The following CDR2L variants were observed in gnomAD, a reference collection of about 807,000 sequenced individuals.
CDR2L encodes the protein cerebellar degeneration related protein 2 like.
A neutral mutation model predicts 36.1 loss-of-function variants in CDR2L; 19 were observed. The ratio of observed to expected loss-of-function variants is 0.53; its 90% CI spans 0.37 to 0.77. The LOEUF is 0.77. CDR2L is among the 30% of genes least tolerant of loss of function. The pLI, the probability that CDR2L is intolerant of heterozygous loss-of-function variation, is 0.00. For synonymous variants in CDR2L, 285 were observed against 280.4 expected (o/e 1.02, Z -0.16); for missense variants, 575 against 627.2 (o/e 0.92, Z 0.89).
chr17:74,988,278 G>C (rs895682861), intron 1 of CDR2L, among the ~76,000 whole-genome samples, 156 bp downstream of exon 1: 1 of 152,216 alleles, frequency 6.6e-6, no homozygotes, highest in Admixed American at 6.5e-5. Context: ...GGGACGTGGA[G>C]AGAGGGGGCG....
At position 74,991,672 on chromosome 17, in the gene CDR2L, G is replaced by A. The variant is rs568711785; in HGVS notation, c.79+3550G>A. Among the ~76,000 whole-genome samples the A allele has an allele frequency of 6.6e-5, 10 of 152,224 alleles. No individual in the cohort carries two copies. In the South Asian group the frequency reaches 2.1e-3, roughly 32 times the overall value. The stretch of plus-strand genomic sequence containing the variant: ...GCAGAGCTTGCAGTGAGCCAAGATC[G>A]CGCCACTGCACTCCAGCCTGGGCGA... On this transcript the variant is annotated intron_variant, in intron 1 of 4. Transcript: ENST00000337231.
At chr17:75,001,276 G>A in intron 2 of CDR2L, 65 bp from the exon 3 acceptor site, 5 of 1,349,858 alleles carry the variant, frequency 3.7e-6, no homozygotes, top group Non-Finnish European at 5.0e-6. Flanking sequence ...AAGTAGGAGG[G>A]TCTAGGCAGA....
chr17:75,003,268 C>G lies in CDR2L; in HGVS notation c.592C>G (p.Leu198Val), dbSNP rs771212866. 1.8e-5 allele frequency: 28 copies of G among 1,557,820 alleles called. No homozygotes were observed. The African/African-American group carries it at 3.4e-4, about 19-fold the overall frequency. Residue 198 changes from leucine (L) to valine (V), a missense_variant, in exon 5 of 5, where the codon CTG becomes GTG. Coordinates refer to ENST00000337231, the MANE Select transcript of CDR2L (RefSeq NM_014603.3). ...LEQENERLQT[L>V]VGALRSQVSQ... is the part of the protein sequence containing the mutation. ...GCAGGAGAACGAGCGGCTGCAGACC[C>G]TGGTGGGGGCGCTGCGCTCCCAGGT...
At chr17:74,992,797 C>T (rs1414361674) in intron 1 of CDR2L, among the ~76,000 whole-genome samples, 1 of 152,224 alleles carries the variant, frequency 6.6e-6, no homozygotes, top group African/African-American at 2.4e-5. Flanking sequence ...AAAGGGCAAC[C>T]TTTGATGTCT....
intron 1 of CDR2L, among the ~76,000 whole-genome samples, chr17:74,997,084 C>CTTTCTTTTTTT (rs1406781224): frequency 2.7e-5 from 2 of 73,346 alleles, no homozygotes; most frequent in East Asian, 1.3e-3. Flanking sequence ...TTCTTTCTTT[C>CTTTCTTTTTTT]TTTTTTTTTT....
At chr17:74,992,376 A>C (rs1336826848) in intron 1 of CDR2L, among the ~76,000 whole-genome samples, 1 of 148,982 alleles carries the variant, frequency 6.7e-6, no homozygotes, top group East Asian at 2.0e-4. Flanking sequence ...TTTTCTTTTG[A>C]CCTGCACAGT....
chr17:75,003,213 C>T lies in CDR2L; in HGVS notation c.537C>T (p.Ser179=). The T allele has an allele frequency of 1.3e-6, 2 of 1,566,484 alleles. No homozygotes were observed. The highest frequency in any genetic ancestry group is 1.4e-5 in the African/African-American group (1 of 73,760). ...RCKDAFRLHS[S]SLELGPRPLE... is the part of the protein sequence containing the mutation. ...AGGATGCTTTCCGCCTACACAGTTC[C>T]TCCCTGGAGCTGGGCCCGCGGCCCC... The change falls in exon 5 of 5, where the codon TCC becomes TCT. Residue 179 remains serine, a synonymous_variant. Coordinates refer to ENST00000337231, the MANE Select transcript of CDR2L (RefSeq NM_014603.3).
In CDR2L at chr17:75,004,083, C is replaced by T. The variant is rs774322374; in HGVS notation, c.*9C>T. On this transcript the variant is annotated 3_prime_UTR_variant, in exon 5 of 5. Transcript: ENST00000337231. Reference sequence around the variant, plus strand: ...CGCACAGCAGCAAGTGACCCTTCTCCGGCCTGCAGCCTCCCCCAGGGTGGA... The same window carrying T: ...CGCACAGCAGCAAGTGACCCTTCTCTGGCCTGCAGCCTCCCCCAGGGTGGA... 7 of 1,591,936 alleles carry T rather than the reference C, an allele frequency of 4.4e-6. No individual in the cohort carries two copies. The highest frequency in any genetic ancestry group is 4.5e-5 in the East Asian group (2 of 44,462).
Position 75,003,189 on chromosome 17 carries a change from G to A in CDR2L, c.513G>A (p.Lys171=). Residue 171 remains lysine, a synonymous_variant, in exon 5 of 5, where the codon AAG becomes AAA. Coordinates refer to ENST00000337231, the MANE Select transcript of CDR2L (RefSeq NM_014603.3). ...GACTCTCACTACCCGCCAGGTGCAA[G>A]GATGCTTTCCGCCTACACAGTTCCT... ...LKELCTSPRC[K]DAFRLHSSSL... is the part of the protein sequence containing the mutation. 1 of 1,562,366 alleles carries A rather than the reference G, an allele frequency of 6.4e-7. No homozygotes were observed. The highest frequency in any genetic ancestry group is 8.7e-7 in the Non-Finnish European group (1 of 1,154,410).
Position 75,003,210 on chromosome 17 carries a change from T to C in CDR2L, c.534T>C (p.Ser178=). The part of the protein sequence containing the change: ...PRCKDAFRLH[S]SSLELGPRPL... ...GCAAGGATGCTTTCCGCCTACACAG[T>C]TCCTCCCTGGAGCTGGGCCCGCGGC... Residue 178 remains serine (S), a synonymous_variant, in exon 5 of 5, where the codon AGT becomes AGC. Coordinates refer to ENST00000337231, the MANE Select transcript of CDR2L (RefSeq NM_014603.3). 6.4e-7 allele frequency: 1 copy of C among 1,566,612 alleles called. No homozygotes were observed. Among genetic ancestry groups the C allele is most frequent in the Non-Finnish European group, 8.6e-7 (1 of 1,156,766 alleles).
intron 1 of CDR2L, among the ~76,000 whole-genome samples, chr17:74,991,257 C>T (rs1331708250): frequency 6.6e-6 from 1 of 151,616 alleles, no homozygotes; most frequent in African/African-American, 2.4e-5. Flanking sequence ...ACAAAATTAG[C>T]CAGGCGTGGT....
chr17:74,991,929 G>A (rs1175604382), intron 1 of CDR2L, among the ~76,000 whole-genome samples: 5 of 152,086 alleles, frequency 3.3e-5, no homozygotes, highest in African/African-American at 1.2e-4. Context: ...CTCAGCCTCA[G>A]GAGAGCTCTG....
intron 2 of CDR2L, among the ~76,000 whole-genome samples, chr17:75,001,026 G>C (rs2039863492): frequency 6.6e-6 from 1 of 151,020 alleles, no homozygotes; most frequent in Non-Finnish European, 1.5e-5. Context: ...TTGAGGTCAG[G>C]AGTTCAAGAC....
At position 74,999,563 on chromosome 17, in the gene CDR2L, G is replaced by A; in HGVS notation, c.139G>A (p.Gly47Arg). Residue 47 changes from glycine to arginine, a missense_variant, in exon 2 of 5, where the codon GGG becomes AGG. Coordinates refer to ENST00000337231, the MANE Select transcript of CDR2L (RefSeq NM_014603.3). ...GCTGGAGAGGAACAAGGAGCTGGAGGGGTCCCTGCAGCAGATGTACTCCAC... is the reference window on the plus strand; with the variant it reads ...GCTGGAGAGGAACAAGGAGCTGGAGAGGTCCCTGCAGCAGATGTACTCCAC... ...TLLERNKELE[G>R]SLQQMYSTNE... 1 of 1,589,000 alleles carries A rather than the reference G, an allele frequency of 6.3e-7. No homozygotes were observed. Among genetic ancestry groups the A allele is most frequent in the Non-Finnish European group, 8.6e-7 (1 of 1,168,088 alleles).
rs1487041769 is a variant in CDR2L at position 75,003,350 on chromosome 17, A to T, written c.674A>T (p.Gln225Leu). 3 of 1,557,638 alleles carry T rather than the reference A, an allele frequency of 1.9e-6. No individual in the cohort carries two copies. The highest frequency in any genetic ancestry group is 2.6e-6 in the Non-Finnish European group (3 of 1,151,602). The change falls in exon 5 of 5, where the codon CAG (glutamine) becomes CTG (leucine). Residue 225 changes from glutamine to leucine, a missense_variant. Gln to Leu is a moderately radical substitution (Grantham distance 113, BLOSUM62 -2). Transcript: ENST00000337231. ...GAGCGCGAGTACACCGCGGTGCTGC[A>T]GGAGTACTCGGAGCTGGAGCGCCAG... ...RAEREYTAVL[Q>L]EYSELERQLC...
chr17:75,004,242 C>A lies in CDR2L; in HGVS notation c.*168C>A, dbSNP rs1418806819. 2 of 617,556 alleles carry A rather than the reference C, an allele frequency of 3.2e-6. No individual in the cohort carries two copies. The highest frequency in any genetic ancestry group is 5.5e-6 in the Non-Finnish European group (2 of 360,446). 38.3% of individuals were successfully genotyped at this position (617,556 alleles called of 1,614,324 possible). On this transcript the variant is annotated 3_prime_UTR_variant, in exon 5 of 5. Transcript: ENST00000337231. ...TTCCCTGCTGAGCGGAGGCAGCCCA[C>A]CTGTCCTGCCTCCCAGGAGCCCTTG...
rs1427196019 is a variant in CDR2L at position 74,997,059 on chromosome 17, TCTTTCTTTCTTTCTTTCTTTC to T, written c.80-2444_80-2424del. On this transcript the variant is annotated intron_variant, in intron 1 of 4. Transcript: ENST00000337231. ...TTCTTTCTTTCTTTCTTTCTTTCTT[TCTTTCTTTCTTTCTTTCTTTC>T]TTTCTTTTTTTTTTTTGAGACTGAG... Among the ~76,000 whole-genome samples, 29 of 11,810 alleles carry T rather than the reference TCTTTCTTTCTTTCTTTCTTTC, an allele frequency of 2.5e-3. 3 individuals are homozygous for T. Among genetic ancestry groups the T allele is most frequent in the South Asian group, 6.2e-3 (2 of 324 alleles). The allele number at this position is 11,810 out of a possible 152,430, so 7.7% of individuals were successfully genotyped here.
rs1352294648 is a variant in CDR2L at position 74,999,546 on chromosome 17, G to A, written c.122G>A (p.Arg41Lys). Residue 41 changes from arginine (R) to lysine (K), a missense_variant, in exon 2 of 5, where the codon AGG becomes AAG. Physicochemically the swap from Arg to Lys is conservative, Grantham distance 26. Transcript: ENST00000337231. ...GAGCTGGGGAAGACTCTGCTGGAGA[G>A]GAACAAGGAGCTGGAGGGGTCCCTG... ...AAELGKTLLE[R>K]NKELEGSLQQ... 7 of 1,588,996 alleles carry A rather than the reference G, an allele frequency of 4.4e-6. No individual in the cohort carries two copies. The Admixed American group carries it at 5.3e-5, about 12-fold the overall frequency.
chr17:75,000,106 T>A (rs1347990346), intron 2 of CDR2L, among the ~76,000 whole-genome samples: 1 of 151,920 alleles, frequency 6.6e-6, no homozygotes, highest in Non-Finnish European at 1.5e-5. Context: ...CGAAACCTTG[T>A]CTCTATAAAA....
Sources: allele counts gnomAD v4.1 joint callset (sites outside exome capture counted in the v4.1 genomes callset), GRCh38; gene constraint gnomAD v4.1.1; transcripts MANE v1.5; gene names NCBI Gene and HGNC (gene_info 2026-07-23, HGNC 2026-07-21).